CHAF1B: variants seen among roughly 807,000 people sequenced by gnomAD.
CHAF1B encodes the protein CAF-1 subunit B.
CHAF1B carries 10 observed loss-of-function variants against 60.7 expected under a neutral mutation model. The observed-to-expected ratio is 0.16, with a 90% CI of 0.10 to 0.28. The LOEUF (loss-of-function observed/expected upper bound fraction) is 0.28, where lower values mean the gene tolerates loss of function less well. CHAF1B is among the 10% of genes least tolerant of loss of function. CHAF1B has a pLI of 1.00. For missense variants in CHAF1B, 558 were observed against 708.4 expected (o/e 0.79, Z 2.41); for synonymous variants, 261 against 266.1 (o/e 0.98, Z 0.19).
At chr21:36,402,593 T>C (rs1252875556) in intron 7 of CHAF1B, among the ~76,000 whole-genome samples, 165 bp from the exon 8 acceptor site, 1 of 152,238 alleles carries the variant, frequency 6.6e-6, no homozygotes, top group Non-Finnish European at 1.5e-5. Flanking sequence ...TCAGTTTCAT[T>C]TATGATTATG....
intron 7 of CHAF1B, among the ~76,000 whole-genome samples, chr21:36,400,926 G>A (rs1027669918): frequency 3.3e-5 from 5 of 152,190 alleles, no homozygotes; most frequent in Non-Finnish European, 7.3e-5. Flanking sequence ...GTAAGGCAGT[G>A]TGGGCTGGGC....
intron 7 of CHAF1B, among the ~76,000 whole-genome samples, chr21:36,399,907 C>T (rs973003577): frequency 1.6e-4 from 24 of 152,122 alleles, no homozygotes; most frequent in African/African-American, 5.3e-4. Context: ...GGCCGGGCGC[C>T]GTGGCTCATG....
chr21:36,405,162 G>A (rs1188238105), intron 8 of CHAF1B, among the ~76,000 whole-genome samples: 1 of 152,092 alleles, frequency 6.6e-6, no homozygotes, highest in Non-Finnish European at 1.5e-5. Context: ...GTTAGTAAGT[G>A]TGGGAAAAAC....
intron 12 of CHAF1B, among the ~76,000 whole-genome samples, chr21:36,414,759 G>A (rs1282718508): frequency 6.6e-6 from 1 of 152,100 alleles, no homozygotes; most frequent in African/African-American, 2.4e-5. Context: ...TTACAGGCAT[G>A]CGCCACCATG....
intron 11 of CHAF1B, among the ~76,000 whole-genome samples, chr21:36,412,216 C>T (rs2086282906): frequency 6.6e-6 from 1 of 152,184 alleles, no homozygotes; most frequent in African/African-American, 2.4e-5. Flanking sequence ...TTCTGAGGCC[C>T]TCTGGGAGGA....
chr21:36,389,794 T>C (rs1490647986), intron 3 of CHAF1B, among the ~76,000 whole-genome samples: 29 of 124,484 alleles, frequency 2.3e-4, no homozygotes, highest in African/African-American at 9.8e-4. Flanking sequence ...TGTGTGTGTG[T>C]GTGTGTGCGC....
intron 7 of CHAF1B, among the ~76,000 whole-genome samples, chr21:36,400,468 T>C (rs2086178825): frequency 6.6e-6 from 1 of 151,676 alleles, no homozygotes; most frequent in African/African-American, 2.4e-5. Flanking sequence ...CGAAACTCAG[T>C]CTCAAAATAA....
intron 4 of CHAF1B, among the ~76,000 whole-genome samples, chr21:36,393,734 G>A (rs1207935072): frequency 2.0e-5 from 3 of 152,034 alleles, no homozygotes; most frequent in Admixed American, 2.0e-4. Flanking sequence ...GATTACAGGC[G>A]TGAGCCACTG....
At position 36,413,213 on chromosome 21, in the gene CHAF1B, C is replaced by T. The variant is rs372352704; in HGVS notation, c.1391C>T (p.Ser464Leu). 3.8e-5 allele frequency: 61 copies of T among 1,613,924 alleles called. No individual in the cohort carries two copies. The highest frequency in any genetic ancestry group is 8.3e-5 in the Admixed American group (5 of 59,972). The change falls in exon 12 of 14, where the codon TCG becomes TTG. Residue 464 changes from serine (S) to leucine (L), a missense_variant. Coordinates refer to ENST00000314103, the MANE Select transcript of CHAF1B (RefSeq NM_005441.3). ...PAVKSPLPGPSEEKTLQPSSQ... is the reference protein window; with the variant it reads ...PAVKSPLPGPLEEKTLQPSSQ... ...GTCAAAAGCCCCTTGCCGGGGCCTT[C>T]GGAGGAGAAGACCCTGCAGCCCAGT...
At chr21:36,394,034 G>A (rs1482229702) in intron 4 of CHAF1B, among the ~76,000 whole-genome samples, 2 of 151,494 alleles carry the variant, frequency 1.3e-5, no homozygotes, top group Admixed American at 1.3e-4. Context: ...AAGTAGCAGG[G>A]ACTACAGGTG....
intron 3 of CHAF1B, 37 bp downstream of exon 3, chr21:36,387,767 CAGAT>C (rs771761741): frequency 6.2e-7 from 1 of 1,608,974 alleles, no homozygotes; most frequent in South Asian, 1.1e-5. Context: ...CTTCGGGAAC[CAGAT>C]AGATACCTGT....
At chr21:36,412,394 C>T (rs1321231405) in intron 11 of CHAF1B, among the ~76,000 whole-genome samples, 2 of 152,090 alleles carry the variant, frequency 1.3e-5, no homozygotes, top group Non-Finnish European at 2.9e-5. Flanking sequence ...CAGAGTCTCA[C>T]TGTCATCCAG....
In CHAF1B at chr21:36,400,530, A is replaced by G. The variant is rs546180171; in HGVS notation, c.663+925A>G. ...TAAAAATATGGATGCCTTGGCCCCAACCTGAGTGGCGTGATTCACTTGGCT... is the reference window on the plus strand; with the variant it reads ...TAAAAATATGGATGCCTTGGCCCCAGCCTGAGTGGCGTGATTCACTTGGCT... On this transcript the variant is annotated intron_variant, in intron 7 of 13. Coordinates refer to ENST00000314103, the MANE Select transcript of CHAF1B (RefSeq NM_005441.3). Among the ~76,000 whole-genome samples, 6 of 152,254 alleles carry G rather than the reference A, an allele frequency of 3.9e-5. No individual in the cohort carries two copies. In the South Asian group the frequency reaches 1.2e-3, roughly 32 times the overall value.
rs760372569 is a variant in CHAF1B at position 36,409,431 on chromosome 21, G to A, written c.885G>A (p.Pro295=). 18 of 1,613,598 alleles carry A rather than the reference G, an allele frequency of 1.1e-5. No homozygotes were observed. The highest frequency in any genetic ancestry group is 4.0e-5 in the African/African-American group (3 of 74,796). Residue 295 remains proline (P), a synonymous_variant, in exon 10 of 14, where the codon CCG becomes CCA. Coordinates refer to ENST00000314103, the MANE Select transcript of CHAF1B (RefSeq NM_005441.3). ...GKATLAVRCC[P]VYFELRPVVE... ...CCACTCTTGCTGTTCGCTGCTGTCC[G>A]GTCTACTTTGAACTGAGGCCAGTGG...
At chr21:36,396,916 C>T (rs984772014) in intron 5 of CHAF1B, among the ~76,000 whole-genome samples, 19 of 152,152 alleles carry the variant, frequency 1.2e-4, no homozygotes, top group African/African-American at 4.3e-4. Flanking sequence ...CTTTTCCTTA[C>T]ACACAAGGTC....
At position 36,413,223 on chromosome 21, in the gene CHAF1B, G is replaced by A; in HGVS notation, c.1401G>A (p.Lys467=). 6.2e-7 allele frequency: 1 copy of A among 1,614,086 alleles called. No individual in the cohort carries two copies. The highest frequency in any genetic ancestry group is 1.3e-5 in the African/African-American group (1 of 75,030). The change falls in exon 12 of 14, where the codon AAG becomes AAA. Residue 467 remains lysine (K), a synonymous_variant. Transcript: ENST00000314103. ...CCTTGCCGGGGCCTTCGGAGGAGAAGACCCTGCAGCCCAGTAGTCAAAACA... is the reference window on the plus strand; with the variant it reads ...CCTTGCCGGGGCCTTCGGAGGAGAAAACCCTGCAGCCCAGTAGTCAAAACA... ...KSPLPGPSEE[K]TLQPSSQNTK...
intron 10 of CHAF1B, among the ~76,000 whole-genome samples, chr21:36,410,472 GT>G (rs1343012751): frequency 6.6e-6 from 1 of 151,226 alleles, no homozygotes; most frequent in African/African-American, 2.4e-5. Context: ...TACTTTTTTT[GT>G]TTTTTTCTTC....
At chr21:36,387,505 G>C in intron 2 of CHAF1B, 93 bp from the exon 3 acceptor site, 2 of 1,495,436 alleles carry the variant, frequency 1.3e-6, no homozygotes, top group Non-Finnish European at 1.8e-6. Context: ...ACAGTTGTGA[G>C]CCACCACACC....
intron 11 of CHAF1B, 90 bp from the exon 12 acceptor site, chr21:36,412,794 A>G (rs563883929): frequency 7.9e-7 from 1 of 1,273,410 alleles, no homozygotes; most frequent in Admixed American, 2.4e-5. Context: ...GCCTTCAAAC[A>G]AGCTTGTGAT....
Sources: gnomAD v4.1 joint callset for allele counts (sites outside exome capture counted in the v4.1 genomes callset) on GRCh38, gnomAD v4.1.1 for gene constraint, MANE v1.5 for transcripts, NCBI Gene and HGNC (gene_info 2026-07-23, HGNC 2026-07-21) for gene names.